AKAP13: variants seen among roughly 807,000 people sequenced by gnomAD.
The protein encoded by AKAP13 is A-kinase anchor protein 13.
In AKAP13, 80 loss-of-function variants were observed where a neutral mutation model predicts 264.5. That is an observed-to-expected ratio of 0.30 (90% CI 0.25 to 0.36). The LOEUF (loss-of-function observed/expected upper bound fraction) is 0.36. Among genes scored for constraint, AKAP13 ranks in the 10% least tolerant of loss-of-function variants. The pLI is 1.00. For synonymous variants in AKAP13, 1,380 were observed against 1,250.2 expected, an observed-to-expected ratio of 1.10 and a Z score of -2.19; for missense variants, 3,712 against 3,435.2, an observed-to-expected ratio of 1.08 and a Z score of -2.01.
chr15:85,646,056 T>C (rs1478233867), intron 10 of AKAP13, 102 bp downstream of exon 10: 9 of 1,438,136 alleles, frequency 6.3e-6, no homozygotes, highest in Middle Eastern at 2.4e-4. Context: ...TGTGCTCTCC[T>C]GTTTCCCTAA....
intron 5 of AKAP13, among the ~76,000 whole-genome samples, chr15:85,570,980 G>A (rs1423452173): frequency 6.6e-6 from 1 of 151,744 alleles, no homozygotes; most frequent in East Asian, 1.9e-4. Context: ...TGTAATGACA[G>A]TTGTTTTGGC....
At chr15:85,384,625 G>A (rs1331157704) in intron 1 of AKAP13, among the ~76,000 whole-genome samples, 2 of 151,830 alleles carry the variant, frequency 1.3e-5, no homozygotes, top group Admixed American at 6.6e-5. Flanking sequence ...GCTGAGGCAG[G>A]AGAATCGCTT....
intron 8 of AKAP13, among the ~76,000 whole-genome samples, chr15:85,598,394 G>A (rs1023111117): frequency 6.6e-6 from 1 of 152,136 alleles, no homozygotes; most frequent in African/African-American, 2.4e-5. Flanking sequence ...ATTCCACCCC[G>A]TGAAAGCCAG....
intron 2 of AKAP13, among the ~76,000 whole-genome samples, chr15:85,493,534 C>T (rs559808111): frequency 3.9e-5 from 6 of 152,250 alleles, no homozygotes; most frequent in African/African-American, 1.4e-4. Flanking sequence ...TGAAGTACAG[C>T]TGAGTGTGTT....
chr15:85,407,009 A>G (rs2071698285), intron 1 of AKAP13, among the ~76,000 whole-genome samples: 1 of 151,766 alleles, frequency 6.6e-6, no homozygotes, highest in Non-Finnish European at 1.5e-5. Flanking sequence ...CTTACAAAAC[A>G]GAAATAATAT....
chr15:85,703,963 G>A (rs531995413), intron 17 of AKAP13, among the ~76,000 whole-genome samples: 1 of 151,710 alleles, frequency 6.6e-6, no homozygotes, highest in Admixed American at 6.6e-5. Flanking sequence ...AAAGAATTTT[G>A]TAGCATGCAT....
chr15:85,427,752 T>A (rs914996237), intron 1 of AKAP13, among the ~76,000 whole-genome samples: 2 of 151,670 alleles, frequency 1.3e-5, no homozygotes, highest in Admixed American at 1.3e-4. Context: ...ATGAAGGAAG[T>A]CTTGGTTTAA....
chr15:85,679,808 A>AGTTTC (rs1333494872), intron 14 of AKAP13, among the ~76,000 whole-genome samples: 2 of 152,134 alleles, frequency 1.3e-5, no homozygotes, highest in Non-Finnish European at 2.9e-5. Context: ...TTTAATGACA[A>AGTTTC]GTTTCGTTTC....
chr15:85,685,774 G>A (rs1030832378), intron 16 of AKAP13, among the ~76,000 whole-genome samples: 2 of 152,054 alleles, frequency 1.3e-5, no homozygotes, highest in African/African-American at 4.8e-5. Flanking sequence ...GTGATCCACC[G>A]TGCCCAGCCT....
chr15:85,695,114 G>C (rs1043068292), intron 17 of AKAP13, among the ~76,000 whole-genome samples: 2 of 152,122 alleles, frequency 1.3e-5, no homozygotes, highest in African/African-American at 2.4e-5. Flanking sequence ...ATGTTTAAAA[G>C]TGTATTTGGG....
chr15:85,618,333 G>A (rs1353979619), intron 8 of AKAP13, among the ~76,000 whole-genome samples: 4 of 152,074 alleles, frequency 2.6e-5, no homozygotes, highest in Non-Finnish European at 5.9e-5. Flanking sequence ...AGAAATGTAG[G>A]TGTTAAATCT....
chr15:85,515,398 G>A (rs2076567027), intron 2 of AKAP13, among the ~76,000 whole-genome samples: 2 of 138,042 alleles, frequency 1.4e-5, no homozygotes. Context: ...TACTCCAAAC[G>A]CTTTGTTGTG....
intron 5 of AKAP13, among the ~76,000 whole-genome samples, chr15:85,568,387 G>A (rs1480361972): frequency 6.6e-6 from 1 of 152,194 alleles, no homozygotes; most frequent in African/African-American, 2.4e-5. Context: ...ATGGAAAAGC[G>A]ATCAGTAAGC....
chr15:85,631,498 TCTCTCACACACA>T (rs1339303774), intron 8 of AKAP13, among the ~76,000 whole-genome samples: 20 of 66,534 alleles, frequency 3.0e-4, no homozygotes, highest in African/African-American at 7.8e-4. Flanking sequence ...TCTCTCTCTC[TCTCTCACACACA>T]CACACACACA....
At chr15:85,642,450 G>A (rs1019810448) in intron 9 of AKAP13, among the ~76,000 whole-genome samples, 2 of 152,216 alleles carry the variant, frequency 1.3e-5, no homozygotes, top group African/African-American at 2.4e-5. Context: ...GGGACAAATA[G>A]GAAGAAAGAA....
At position 85,456,997 on chromosome 15, in the gene AKAP13, C is replaced by T. The variant is rs577459143; in HGVS notation, c.-11-28713C>T. Reference sequence around the variant, plus strand: ...ACTGTGAGTCAGGCACCAACTGTAGCGAGACATTCTAGTTACGTTTTCTTG... The same window carrying T: ...ACTGTGAGTCAGGCACCAACTGTAGTGAGACATTCTAGTTACGTTTTCTTG... On this transcript the variant is annotated intron_variant, in intron 1 of 36. Transcript: ENST00000394518. Among the ~76,000 whole-genome samples the T allele has an allele frequency of 1.1e-4, 17 of 152,218 alleles. No individual in the cohort carries two copies. The South Asian group carries it at 1.7e-3, about 15-fold the overall frequency.
In AKAP13 at chr15:85,509,971, G is replaced by T. The variant is rs115160845; in HGVS notation, c.34-11457G>T. On this transcript the variant is annotated intron_variant, in intron 2 of 36. Transcript: ENST00000394518. ...TTTGAAATCAGGTGAGAGAGAATCG[G>T]TATTCCTCAGGCTCCTTCCAGGTGA... Among the ~76,000 whole-genome samples, 998 of 152,338 alleles carry T rather than the reference G, an allele frequency of 6.6e-3. 18 individuals carry two copies. The highest frequency in any genetic ancestry group is 0.023 in the African/African-American group (939 of 41,574).
At chr15:85,616,571 G>C (rs751731183) in intron 8 of AKAP13, among the ~76,000 whole-genome samples, 1 of 152,184 alleles carries the variant, frequency 6.6e-6, no homozygotes, top group African/African-American at 2.4e-5. Flanking sequence ...AGTAACTACT[G>C]TTAAGTAGTA....
chr15:85,445,559 G>A (rs1290262582), intron 1 of AKAP13, among the ~76,000 whole-genome samples: 1 of 152,116 alleles, frequency 6.6e-6, no homozygotes, highest in Non-Finnish European at 1.5e-5. Context: ...TAGTTTATAT[G>A]ACAGCGTGCT....
Sources: gnomAD v4.1 joint callset for allele counts (sites outside exome capture counted in the v4.1 genomes callset) on GRCh38, gnomAD v4.1.1 for gene constraint, MANE v1.5 for transcripts, NCBI Gene and HGNC (gene_info 2026-07-23, HGNC 2026-07-21) for gene names.